The following SDR42E2 variants were observed in gnomAD, a reference collection of about 807,000 sequenced individuals.
The protein encoded by SDR42E2 is short chain dehydrogenase/reductase family 42E, member 2.
A neutral mutation model predicts 10.5 loss-of-function variants in SDR42E2; 20 were observed. That is an observed-to-expected ratio of 1.90 (90% CI 1.34 to 2.77). The LOEUF is 2.77. Ranked by LOEUF, SDR42E2 falls within the 30% of genes most tolerant of loss-of-function variation. The pLI is 0.00. For missense variants in SDR42E2, 162 were observed against 104.2 expected, an observed-to-expected ratio of 1.55 and a Z score of -2.42; for synonymous variants, 72 against 39.2, an observed-to-expected ratio of 1.84 and a Z score of -3.12.
chr16:22,163,403 C>G (rs2046511743), intron 1 of SDR42E2, among the ~76,000 whole-genome samples: 2 of 152,162 alleles, frequency 1.3e-5, no homozygotes, highest in Non-Finnish European at 2.9e-5. Flanking sequence ...TTTGCAGTCT[C>G]TCTCATTAAA....
intron 8 of SDR42E2, among the ~76,000 whole-genome samples, chr16:22,179,134 T>G (rs947263936): frequency 6.6e-6 from 1 of 152,094 alleles, no homozygotes; most frequent in Non-Finnish European, 1.5e-5. Flanking sequence ...ACTATAAGTG[T>G]GCACAACCAT....
chr16:22,180,814 C>A (rs1191893243), intron 8 of SDR42E2, among the ~76,000 whole-genome samples: 1 of 152,180 alleles, frequency 6.6e-6, no homozygotes, highest in Non-Finnish European at 1.5e-5. Flanking sequence ...TGAGACCAGC[C>A]TGGCCAACAT....
chr16:22,175,632 T>G (rs2046638911), intron 7 of SDR42E2, among the ~76,000 whole-genome samples: 1 of 150,876 alleles, frequency 6.6e-6, no homozygotes, highest in African/African-American at 2.4e-5. Context: ...CAGTGAGCCA[T>G]GACGCACCAC....
At chr16:22,190,018 T>C in intron 12 of SDR42E2, 121 bp from the exon 13 acceptor site, 1 of 399,908 alleles carries the variant, frequency 2.5e-6, no homozygotes, top group Admixed American at 4.4e-5. Context: ...CGGGTCCTTT[T>C]AAATCACTAT....
In SDR42E2 at chr16:22,182,234, A is replaced by G. The variant is rs1237002610; in HGVS notation, c.833A>G (p.Asn278Ser). The G allele has an allele frequency of 1.2e-5, 5 of 402,104 alleles. No homozygotes were observed. Among genetic ancestry groups the G allele is most frequent in the African/African-American group, 2.1e-5 (1 of 48,690 alleles). The allele number at this position is 402,104 out of a possible 1,614,324, so 24.9% of individuals were successfully genotyped here. ...YVASGQAYYINDGESVNLFEW... is the reference protein window; with the variant it reads ...YVASGQAYYISDGESVNLFEW... ...CAGAGTGGGCAGGCGTACTACATCA[A>G]CGATGGGGAGAGCGTCAACCTCTTT... The change falls in exon 10 of 13, where the codon AAC becomes AGC. Residue 278 changes from asparagine to serine, a missense_variant. Asn to Ser is a conservative substitution (Grantham distance 46). Coordinates refer to ENST00000602312, the MANE Select transcript of SDR42E2 (RefSeq NM_001394319.2).
intron 10 of SDR42E2, among the ~76,000 whole-genome samples, chr16:22,183,863 G>A (rs1482332188): frequency 6.6e-6 from 1 of 151,882 alleles, no homozygotes; most frequent in African/African-American, 2.4e-5. Context: ...GGGAGGCTGA[G>A]GCAGGAGGAT....
At chr16:22,171,172 G>A (rs6497576) in intron 6 of SDR42E2, among the ~76,000 whole-genome samples, 10,164 of 152,244 alleles carry the variant, frequency 0.067, 1,102 homozygotes, top group African/African-American at 0.23. Flanking sequence ...CAACCTGGCC[G>A]CATTCTACCC....
chr16:22,190,296 G>T lies in SDR42E2; in HGVS notation c.1172G>T (p.Arg391Leu), dbSNP rs1266295930. Residue 391 changes from arginine to leucine, a missense_variant, in exon 13 of 13, where the codon CGC (arginine) becomes CTC (leucine). Transcript: ENST00000602312. ...GGCTCCACGGCGCGGACCCTCCTGC[G>T]CCTGCTGCTCAGGCTGCTGCTGTTC... is the stretch of plus-strand genomic sequence containing the variant. ...PRGSTARTLL[R>L]LLLRLLLFLG... is the part of the protein sequence containing the mutation. 7.5e-6 allele frequency: 3 copies of T among 401,956 alleles called. No homozygotes were observed. The highest frequency in any genetic ancestry group is 8.8e-6 in the Non-Finnish European group (2 of 226,956). 24.9% of individuals were successfully genotyped at this position (401,956 alleles called of 1,614,324 possible). A position where few individuals can be genotyped will look rare whatever the true frequency, so the allele number is the denominator to read the frequency against.
At chr16:22,168,825 A>G (rs1187218665) in intron 4 of SDR42E2, among the ~76,000 whole-genome samples, 2 of 152,066 alleles carry the variant, frequency 1.3e-5, no homozygotes, top group Non-Finnish European at 2.9e-5. Flanking sequence ...GTGAGCCAAG[A>G]TTGTACCACT....
In SDR42E2 at chr16:22,186,791, T is replaced by C. The variant is rs1467471540; in HGVS notation, c.1011T>C (p.Ser337=). 1 of 397,012 alleles carries C rather than the reference T, an allele frequency of 2.5e-6. No homozygotes were observed. The highest frequency in any genetic ancestry group is 4.4e-5 in the Admixed American group (1 of 22,492). 24.6% of individuals were successfully genotyped at this position (397,012 alleles called of 1,614,324 possible). ...GCCTCCCACCGCTGCTCACTCGTAGTGAGGTAAGTGGGCTGCTGTTATGGG... is the reference window on the plus strand; with the variant it reads ...GCCTCCCACCGCTGCTCACTCGTAGCGAGGTAAGTGGGCTGCTGTTATGGG... The part of the protein sequence containing the change: ...ICSLPPLLTR[S]EVRSVAVTHT... Residue 337 remains serine (S), a synonymous_variant, in exon 12 of 13, where the codon AGT becomes AGC. Transcript: ENST00000602312.
intron 10 of SDR42E2, among the ~76,000 whole-genome samples, chr16:22,182,954 A>G (rs1405449574): frequency 1.3e-5 from 2 of 151,980 alleles, no homozygotes; most frequent in Non-Finnish European, 2.9e-5. Flanking sequence ...GCAGTGAGCT[A>G]TGATTGCACC....
Position 22,182,221 on chromosome 16 carries a change from G to A in SDR42E2, c.820G>A (p.Ala274Thr), listed in dbSNP as rs1427498248. Residue 274 changes from alanine (A) to threonine (T), a missense_variant, in exon 10 of 13, where the codon GCG (alanine) becomes ACG (threonine). Transcript: ENST00000602312. ...CACATGTCCCCTTCAGAGTGGGCAGGCGTACTACATCAACGATGGGGAGAG... is the reference window on the plus strand; with the variant it reads ...CACATGTCCCCTTCAGAGTGGGCAGACGTACTACATCAACGATGGGGAGAG... ...TAKGYVASGQ[A>T]YYINDGESVN... 2.5e-6 allele frequency: 1 copy of A among 403,378 alleles called. No homozygotes were observed. The highest frequency in any genetic ancestry group is 4.4e-6 in the Non-Finnish European group (1 of 227,976). The allele number at this position is 403,378 out of a possible 1,614,324, so 25.0% of individuals were successfully genotyped here.
chr16:22,173,905 GTATATATATA>G (rs770541596), intron 7 of SDR42E2, among the ~76,000 whole-genome samples: 1 of 115,028 alleles, frequency 8.7e-6, no homozygotes, highest in South Asian at 2.9e-4. Flanking sequence ...ATGTGTGTGT[GTATATATATA>G]TATATATATA....
intron 7 of SDR42E2, among the ~76,000 whole-genome samples, chr16:22,175,231 G>A (rs144422468): frequency 1.3e-4 from 20 of 152,132 alleles, no homozygotes; most frequent in African/African-American, 4.3e-4. Context: ...AGGCCAAGAC[G>A]GGAGGACTGC....
At chr16:22,188,910 T>C (rs116359289) in intron 12 of SDR42E2, among the ~76,000 whole-genome samples, 2,754 of 152,126 alleles carry the variant, frequency 0.018, 86 homozygotes, top group African/African-American at 0.062. Context: ...AGCTCCTAGT[T>C]CAAAGGGGAA....
chr16:22,180,104 T>C (rs758807662), intron 8 of SDR42E2, among the ~76,000 whole-genome samples: 6 of 151,936 alleles, frequency 3.9e-5, no homozygotes, highest in Admixed American at 6.6e-5. Context: ...TGGTAGGAGA[T>C]GAAGTCACAG....
chr16:22,171,589 G>A (rs1287648259), intron 6 of SDR42E2, among the ~76,000 whole-genome samples: 2 of 151,926 alleles, frequency 1.3e-5, no homozygotes, highest in Non-Finnish European at 2.9e-5. Context: ...CTGGAGTGCA[G>A]TGTCATGATC....
rs1179078202 is a variant in SDR42E2 at position 22,191,670 on chromosome 16, G to A, written c.*1277G>A. On this transcript the variant is annotated 3_prime_UTR_variant, in exon 13 of 13. Transcript: ENST00000602312. ...TAAGCACAGGTTTTAGTACCAGAAAGAGCATGAAAAATTTAAAAAAAAAAA... is the reference window on the plus strand; with the variant it reads ...TAAGCACAGGTTTTAGTACCAGAAAAAGCATGAAAAATTTAAAAAAAAAAA... The A allele has an allele frequency of 6.6e-6, 1 of 150,986 alleles. No individual in the cohort carries two copies. The highest frequency in any genetic ancestry group is 1.5e-5 in the Non-Finnish European group (1 of 67,818). The allele number at this position is 150,986 out of a possible 1,614,324, so 9.4% of individuals were successfully genotyped here. A position where few individuals can be genotyped will look rare whatever the true frequency, so the allele number is the denominator to read the frequency against.
At chr16:22,188,568 G>A (rs2046750801) in intron 12 of SDR42E2, among the ~76,000 whole-genome samples, 1 of 152,216 alleles carries the variant, frequency 6.6e-6, no homozygotes, top group Non-Finnish European at 1.5e-5. Flanking sequence ...CCAGACCTCA[G>A]TGATTTCAAG....
Sources: allele counts gnomAD v4.1 joint callset (sites outside exome capture counted in the v4.1 genomes callset), GRCh38; gene constraint gnomAD v4.1.1; transcripts MANE v1.5; gene names NCBI Gene and HGNC (gene_info 2026-07-23, HGNC 2026-07-21).